Variants in LPAR6 observed in about 807,000 individuals in gnomAD.
The protein encoded by LPAR6 is lysophosphatidic acid receptor 6.
A neutral mutation model predicts 22.0 loss-of-function variants in LPAR6; 17 were observed. That is an observed-to-expected ratio of 0.77 (90% CI 0.53 to 1.16). The LOEUF (loss-of-function observed/expected upper bound fraction) is 1.16, where lower values mean the gene tolerates loss of function less well. LPAR6 is among the 50% of genes most tolerant of loss of function. The pLI is 0.00. For synonymous variants in LPAR6, 136 were observed against 139.8 expected, an observed-to-expected ratio of 0.97 and a Z score of 0.19; for missense variants, 384 against 406.9, an observed-to-expected ratio of 0.94 and a Z score of 0.48.
At position 48,411,459 on chromosome 13, in the gene LPAR6, G is replaced by A; in HGVS notation, c.965C>T (p.Ala322Val). The change falls in exon 1 of 1, where the codon GCA (alanine) becomes GTA (valine). Residue 322 changes from alanine (A) to valine (V), a missense_variant. By Grantham distance (64) the Ala-to-Val change is moderately conservative. Coordinates refer to ENST00000620633, the MANE Select transcript of LPAR6 (RefSeq NM_001162498.3). ...TAGGTTATGCTGAATAAAATTCTCT[G>A]CACCATGAACTTCAGAGAATCTGAA... ...SDFRFSEVHGAENFIQHNLQT... is the reference protein window; with the variant it reads ...SDFRFSEVHGVENFIQHNLQT... 6.2e-7 allele frequency: 1 copy of A among 1,613,150 alleles called. No homozygotes were observed. The highest frequency in any genetic ancestry group is 8.5e-7 in the Non-Finnish European group (1 of 1,179,536).
intron 1 of LPAR6, among the ~76,000 whole-genome samples, chr13:48,398,900 A>C (rs183295910): frequency 8.1e-4 from 124 of 152,240 alleles, no homozygotes; most frequent in Admixed American, 3.9e-3. Flanking sequence ...AGTAACAAGA[A>C]AGGGAAAAGT....
intron 1 of LPAR6, among the ~76,000 whole-genome samples, chr13:48,404,492 G>C (rs1948721822): frequency 6.6e-6 from 1 of 151,706 alleles, no homozygotes; most frequent in Non-Finnish European, 1.5e-5. Flanking sequence ...CAGATGGAAA[G>C]GGCCCATAGT....
chr13:48,396,623 C>G (rs1468007324), intron 1 of LPAR6, among the ~76,000 whole-genome samples: 1 of 152,136 alleles, frequency 6.6e-6, no homozygotes, highest in Non-Finnish European at 1.5e-5. Flanking sequence ...AAAGCAATGG[C>G]AACAAAAGCC....
chr13:48,409,236 A>G (rs1948767862), downstream of LPAR6, among the ~76,000 whole-genome samples: 1 of 148,274 alleles, frequency 6.7e-6, no homozygotes, highest in Non-Finnish European at 1.5e-5. Context: ...CTAACTTGGA[A>G]CTCCTGGGCT....
At chr13:48,411,045 T>A (rs1428268089), downstream of LPAR6, 1 of 155,464 alleles carries the variant, frequency 6.4e-6, no homozygotes, top group Admixed American at 6.4e-5. Context: ...TATAAAATAA[T>A]TTAGTAAATT....
intron 2 of LPAR6, among the ~76,000 whole-genome samples, chr13:48,418,723 A>AT (rs1948957094): frequency 1.3e-5 from 2 of 150,858 alleles, no homozygotes; most frequent in South Asian, 4.2e-4. Flanking sequence ...AAAAAAAAAA[A>AT]GCAGGGGTTG....
rs1340542583 is a variant in LPAR6, at chr13:48,411,975, G to A, written c.449C>T (p.Pro150Leu). ...GTGGGTAGACTGAACAAAAACGGCG[G>A]GTGCACTTCCTCCGATCACAGTTAA... Reference protein sequence around the residue: ...VWLTVIGGSAPAVFVQSTHSQ... With the variant: ...VWLTVIGGSALAVFVQSTHSQ... Residue 150 changes from proline (P) to leucine (L), a missense_variant, in exon 1 of 1, where the codon CCC becomes CTC. By Grantham distance (98) the Pro-to-Leu change is moderately conservative (BLOSUM62 -3). Coordinates refer to ENST00000620633, the MANE Select transcript of LPAR6 (RefSeq NM_001162498.3). 14 of 1,602,518 alleles carry A rather than the reference G, an allele frequency of 8.7e-6. No homozygotes were observed. The highest frequency in any genetic ancestry group is 1.2e-5 in the Non-Finnish European group (14 of 1,173,786).
chr13:48,408,969 T>C (rs1948764180), downstream of LPAR6, among the ~76,000 whole-genome samples: 1 of 152,142 alleles, frequency 6.6e-6, no homozygotes. Context: ...AGATTGGTAG[T>C]TGCTTCTCAA....
intron 1 of LPAR6, among the ~76,000 whole-genome samples, chr13:48,404,769 C>T (rs904392022): frequency 5.3e-5 from 8 of 152,032 alleles, no homozygotes; most frequent in African/African-American, 1.9e-4. Context: ...TCGTGATCCG[C>T]CTGCCTCGGC....
At chr13:48,404,370 C>G (rs1433935278) in intron 1 of LPAR6, 2 of 151,890 alleles carry the variant, frequency 1.3e-5, no homozygotes, top group African/African-American at 4.8e-5. Flanking sequence ...TCAGGTACCT[C>G]AGTTCAATAT....
chr13:48,390,017 G>A (rs1181418676), intron 1 of LPAR6, among the ~76,000 whole-genome samples: 1 of 151,990 alleles, frequency 6.6e-6, no homozygotes, highest in Non-Finnish European at 1.5e-5. Context: ...AGCCAGGTGT[G>A]GTGGCACACA....
chr13:48,425,161 G>C (rs1199600375), intron 1 of LPAR6, among the ~76,000 whole-genome samples: 1 of 152,178 alleles, frequency 6.6e-6, no homozygotes, highest in Non-Finnish European at 1.5e-5. Flanking sequence ...ATTTAGTAAA[G>C]AGCTTCTTGA....
At position 48,411,349 on chromosome 13, in the gene LPAR6, A is replaced by G. The variant is rs1367857370; in HGVS notation, c.*40T>C. On this transcript the variant is annotated 3_prime_UTR_variant, in exon 1 of 1. Transcript: ENST00000620633. ...AAAGACACTTTTCACAGTTGAAGGA[A>G]CTTGAAAGTTCTGTCCCAGTGAGTC... The G allele has an allele frequency of 2.0e-6, 3 of 1,491,922 alleles. No individual in the cohort carries two copies. The highest frequency in any genetic ancestry group is 2.8e-6 in the Non-Finnish European group (3 of 1,072,854). The allele number at this position is 1,491,922 out of a possible 1,614,324, so 92.4% of individuals were successfully genotyped here.
intron 1 of LPAR6, among the ~76,000 whole-genome samples, chr13:48,403,992 C>T (rs1948716406): frequency 6.6e-6 from 1 of 152,078 alleles, no homozygotes; most frequent in Non-Finnish European, 1.5e-5. Context: ...CAGAATGAGA[C>T]ACTGTCTCAA....
intron 1 of LPAR6, among the ~76,000 whole-genome samples, chr13:48,433,881 A>G (rs2138285966): frequency 6.6e-6 from 1 of 151,896 alleles, no homozygotes; most frequent in Admixed American, 6.6e-5. Context: ...TGTTTTATTT[A>G]TATGTATATA....
downstream of LPAR6, among the ~76,000 whole-genome samples, chr13:48,407,846 A>G (rs185768273): frequency 2.7e-3 from 405 of 152,334 alleles, 1 homozygote; most frequent in Non-Finnish European, 3.8e-3. Context: ...ACAAAAATTT[A>G]TTCACAACTA....
chr13:48,396,307 C>T (rs1332351526), intron 1 of LPAR6, among the ~76,000 whole-genome samples: 2 of 151,840 alleles, frequency 1.3e-5, no homozygotes, highest in African/African-American at 4.8e-5. Context: ...ATAAATAAAC[C>T]AACGGAACAG....
chr13:48,411,896 T>G lies in LPAR6; in HGVS notation c.528A>C (p.Thr176=), dbSNP rs956123497. The G allele has an allele frequency of 3.1e-6, 5 of 1,613,504 alleles. No homozygotes were observed. The highest frequency in any genetic ancestry group is 4.2e-6 in the Non-Finnish European group (5 of 1,179,752). Residue 176 remains threonine, a synonymous_variant, in exon 1 of 1, where the codon ACA becomes ACC. Transcript: ENST00000620633. ...CAATCCTTGAGAGATATGTTTTCCA[T>G]GTGGCTTCTGGAAAATTTTCAAAGC... ...EACFENFPEA[T]WKTYLSRIVI...
chr13:48,399,666 A>G (rs189869642), intron 1 of LPAR6, among the ~76,000 whole-genome samples: 2 of 152,198 alleles, frequency 1.3e-5, no homozygotes, highest in African/African-American at 4.8e-5. Flanking sequence ...AGAAACTGAG[A>G]TAACTTATAA....
Sources: gnomAD v4.1 joint callset for allele counts (sites outside exome capture counted in the v4.1 genomes callset) on GRCh38, gnomAD v4.1.1 for gene constraint, MANE v1.5 for transcripts, NCBI Gene and HGNC (gene_info 2026-07-23, HGNC 2026-07-21) for gene names.